Variants in UBE2W observed in about 807,000 individuals in gnomAD.
UBE2W encodes ubiquitin conjugating enzyme E2 W.
A neutral mutation model predicts 27.2 loss-of-function variants in UBE2W; 18 were observed. The ratio of observed to expected loss-of-function variants is 0.66; its 90% CI spans 0.46 to 0.98. The LOEUF is 0.98. Ranked by LOEUF, UBE2W falls within the 50% of genes least tolerant of loss-of-function variation. UBE2W has a pLI of 0.00. For synonymous variants in UBE2W, 53 were observed against 57.2 expected (o/e 0.93, Z 0.33); for missense variants, 90 against 180.2 (o/e 0.50, Z 2.87).
At chr8:73,845,910 T>C (rs531929369) in intron 1 of UBE2W, among the ~76,000 whole-genome samples, 1 of 151,942 alleles carries the variant, frequency 6.6e-6, no homozygotes, top group South Asian at 2.1e-4. Context: ...AAAAAATGGA[T>C]GAAATAAAGA....
At chr8:73,841,784 C>T (rs1405020348) in intron 1 of UBE2W, among the ~76,000 whole-genome samples, 1 of 152,144 alleles carries the variant, frequency 6.6e-6, no homozygotes, top group Non-Finnish European at 1.5e-5. Flanking sequence ...AGATTTCAAA[C>T]AAATCCAATA....
At chr8:73,797,095 T>C (rs1262862604) in intron 5 of UBE2W, among the ~76,000 whole-genome samples, 1 of 152,190 alleles carries the variant, frequency 6.6e-6, no homozygotes, top group Non-Finnish European at 1.5e-5. Context: ...CACTTTCAAA[T>C]ATAACATACA....
intron 1 of UBE2W, among the ~76,000 whole-genome samples, chr8:73,832,501 G>A (rs1047786439): frequency 7.2e-5 from 11 of 151,930 alleles, no homozygotes; most frequent in Non-Finnish European, 1.0e-4. Context: ...TTGAAGTTTC[G>A]GTTCACAAAA....
chr8:73,780,526 A>G, intron 4 of UBE2W: 1 of 451,746 alleles, frequency 2.2e-6, no homozygotes, highest in South Asian at 1.6e-5. Context: ...TTCTGAAAAA[A>G]AAATTTATTT....
intron 1 of UBE2W, among the ~76,000 whole-genome samples, chr8:73,871,442 A>G (rs1586553911): frequency 6.6e-6 from 1 of 152,252 alleles, no homozygotes; most frequent in East Asian, 1.9e-4. Flanking sequence ...ATTTCTGTGC[A>G]ATATAGCTTT....
At chr8:73,813,448 T>C (rs1245039849) in intron 3 of UBE2W, among the ~76,000 whole-genome samples, 1 of 152,108 alleles carries the variant, frequency 6.6e-6, no homozygotes, top group Admixed American at 6.5e-5. Flanking sequence ...GAGATAAAAA[T>C]AATTCAGATC....
intron 5 of UBE2W, among the ~76,000 whole-genome samples, 179 bp downstream of exon 5, chr8:73,805,472 C>CAAACAAACAAAA (rs1254739442): frequency 4.1e-4 from 18 of 43,692 alleles, no homozygotes; most frequent in South Asian, 9.3e-4. Flanking sequence ...AAAAAAAAAA[C>CAAACAAACAAAA]AAAAAAAACT....
chr8:73,877,061 C>A (rs532915894), intron 1 of UBE2W, among the ~76,000 whole-genome samples: 4 of 152,322 alleles, frequency 2.6e-5, no homozygotes, highest in South Asian at 2.1e-4. Context: ...CTAAATCTAA[C>A]GAGATGACAC....
intron 3 of UBE2W, among the ~76,000 whole-genome samples, chr8:73,818,410 T>C (rs1262414453): frequency 6.6e-6 from 1 of 152,242 alleles, no homozygotes; most frequent in Admixed American, 6.5e-5. Context: ...GAACGGTTTA[T>C]ATGCCACACA....
chr8:73,803,753 T>C (rs1162139659), intron 5 of UBE2W, among the ~76,000 whole-genome samples: 3 of 148,332 alleles, frequency 2.0e-5, no homozygotes, highest in Non-Finnish European at 2.9e-5. Context: ...TATTTCTTTG[T>C]TTTCTTTTTT....
At chr8:73,782,820 G>A (rs530395262), downstream of UBE2W, among the ~76,000 whole-genome samples, 1 of 152,316 alleles carries the variant, frequency 6.6e-6, no homozygotes, top group East Asian at 1.9e-4. Context: ...TAGTAGGTAT[G>A]TGCATAACTT....
intron 1 of UBE2W, among the ~76,000 whole-genome samples, chr8:73,872,037 G>C (rs1812027327): frequency 6.6e-6 from 1 of 152,086 alleles, no homozygotes; most frequent in Non-Finnish European, 1.5e-5. Context: ...GGGACCACAG[G>C]AATGTGCTAC....
downstream of UBE2W, among the ~76,000 whole-genome samples, chr8:73,781,626 T>G (rs867095213): frequency 0.052 from 7,919 of 151,168 alleles, 666 homozygotes; most frequent in African/African-American, 0.18. Flanking sequence ...TGGGTTTTTT[T>G]TTTTTTTTTT....
chr8:73,814,162 G>C (rs1809290824), intron 3 of UBE2W, among the ~76,000 whole-genome samples: 1 of 152,186 alleles, frequency 6.6e-6, no homozygotes, highest in South Asian at 2.1e-4. Context: ...AGCCAAAGGA[G>C]AAAGTGAATG....
intron 1 of UBE2W, among the ~76,000 whole-genome samples, chr8:73,865,152 C>A (rs577763522): frequency 1.1e-4 from 13 of 116,424 alleles, no homozygotes; most frequent in African/African-American, 3.7e-4. Flanking sequence ...ATGACAAATT[C>A]TTCACTGCTC....
chr8:73,861,277 C>G (rs1351771117), intron 1 of UBE2W, among the ~76,000 whole-genome samples: 1 of 152,134 alleles, frequency 6.6e-6, no homozygotes, highest in East Asian at 1.9e-4. Flanking sequence ...CAGCGTCAAA[C>G]AACTTGATTC....
chr8:73,801,976 A>G (rs1035035164), intron 5 of UBE2W, among the ~76,000 whole-genome samples: 7 of 152,228 alleles, frequency 4.6e-5, no homozygotes, highest in Non-Finnish European at 2.9e-5. Context: ...TTGTGTGTGT[A>G]GTAGAATTAA....
chr8:73,811,450 T>C (rs758561133), intron 3 of UBE2W, among the ~76,000 whole-genome samples: 10 of 152,180 alleles, frequency 6.6e-5, no homozygotes, highest in Non-Finnish European at 1.0e-4. Context: ...TCCTGAGGAA[T>C]CTGTAAGCAT....
intron 1 of UBE2W, among the ~76,000 whole-genome samples, chr8:73,870,619 C>T (rs563609389): frequency 3.8e-4 from 58 of 151,930 alleles, no homozygotes; most frequent in Middle Eastern, 3.4e-3. Flanking sequence ...TTCATTTATT[C>T]GACATTTACT....
Sources: allele counts gnomAD v4.1 joint callset (sites outside exome capture counted in the v4.1 genomes callset), GRCh38; gene constraint gnomAD v4.1.1; transcripts MANE v1.5; gene names NCBI Gene and HGNC (gene_info 2026-07-23, HGNC 2026-07-21).